The following TAFA4 variants were observed in gnomAD, a reference collection of about 807,000 sequenced individuals.
TAFA4 encodes TAFA chemokine like family member 4, also known as chemokine-like protein TAFA-4.
TAFA4 carries 20 observed loss-of-function variants against 21.1 expected under a neutral mutation model. The observed-to-expected ratio is 0.95, with a 90% CI of 0.67 to 1.38. The LOEUF (loss-of-function observed/expected upper bound fraction) is 1.38, where lower values mean the gene tolerates loss of function less well. Ranked by LOEUF, TAFA4 falls within the 40% of genes most tolerant of loss-of-function variation. The probability of loss-of-function intolerance (pLI) is 0.00; values close to 1 mark genes in which losing one functional copy is unlikely to be tolerated. For missense variants in TAFA4, 211 were observed against 180.9 expected (o/e 1.17, Z -0.95); for synonymous variants, 71 against 67.4 (o/e 1.05, Z -0.26).
intron 2 of TAFA4, among the ~76,000 whole-genome samples, chr3:68,883,530 C>G (rs2089639964): frequency 6.6e-6 from 1 of 152,122 alleles, no homozygotes; most frequent in Non-Finnish European, 1.5e-5. Context: ...CTCATCAAAA[C>G]CACAATGCCA....
At chr3:68,787,844 G>T (rs1482299674) in intron 3 of TAFA4, among the ~76,000 whole-genome samples, 1 of 152,218 alleles carries the variant, frequency 6.6e-6, no homozygotes, top group Non-Finnish European at 1.5e-5. Flanking sequence ...TTCTAGACGA[G>T]CACTCAAAAC....
intron 3 of TAFA4, among the ~76,000 whole-genome samples, chr3:68,816,705 G>A (rs912713116): frequency 1.3e-5 from 2 of 152,112 alleles, no homozygotes; most frequent in Admixed American, 1.3e-4. Flanking sequence ...GTATCTCTGA[G>A]ATATTGCAAG....
At chr3:68,847,486 C>T (rs2106904079) in intron 3 of TAFA4, among the ~76,000 whole-genome samples, 1 of 152,342 alleles carries the variant, frequency 6.6e-6, no homozygotes, top group East Asian at 1.9e-4. Context: ...AACTAGACCA[C>T]TTAGCCCCCT....
intron 1 of TAFA4, among the ~76,000 whole-genome samples, chr3:68,897,359 G>C (rs1192079791): frequency 6.6e-6 from 1 of 151,632 alleles, no homozygotes; most frequent in Non-Finnish European, 1.5e-5. Flanking sequence ...AGGTACGGGG[G>C]CTCATGCCTG....
chr3:68,845,367 T>C (rs1704761393), intron 3 of TAFA4, among the ~76,000 whole-genome samples: 1 of 152,178 alleles, frequency 6.6e-6, no homozygotes, highest in African/African-American at 2.4e-5. Flanking sequence ...ACTTGGTAAG[T>C]ATTCTTCCAT....
intron 3 of TAFA4, among the ~76,000 whole-genome samples, chr3:68,826,293 G>A (rs1189329506): frequency 2.0e-5 from 3 of 152,158 alleles, no homozygotes; most frequent in Non-Finnish European, 2.9e-5. Flanking sequence ...TTTACTCAGG[G>A]CCGGCCATGG....
intron 3 of TAFA4, among the ~76,000 whole-genome samples, chr3:68,846,460 A>G (rs1449758431): frequency 6.6e-6 from 1 of 152,028 alleles, no homozygotes; most frequent in Non-Finnish European, 1.5e-5. Context: ...TTGTGTTAGA[A>G]CATGCTCCTT....
chr3:68,924,195 T>C (rs1039003439), intron 1 of TAFA4, among the ~76,000 whole-genome samples: 1 of 152,160 alleles, frequency 6.6e-6, no homozygotes, highest in Non-Finnish European at 1.5e-5. Context: ...CCTATGTTCA[T>C]AGCAGCATGA....
At chr3:68,779,282 T>C (rs568043326) in intron 3 of TAFA4, among the ~76,000 whole-genome samples, 1 of 152,278 alleles carries the variant, frequency 6.6e-6, no homozygotes, top group Non-Finnish European at 1.5e-5. Context: ...TTGGAAAACT[T>C]GTAGCCTGAA....
intron 3 of TAFA4, among the ~76,000 whole-genome samples, chr3:68,829,829 G>C (rs1434250086): frequency 1.3e-5 from 2 of 152,068 alleles, no homozygotes; most frequent in Non-Finnish European, 2.9e-5. Context: ...GACTTTTTTT[G>C]GTTGGTAGGG....
chr3:68,844,673 C>G (rs1704744409), intron 3 of TAFA4, among the ~76,000 whole-genome samples: 1 of 152,192 alleles, frequency 6.6e-6, no homozygotes, highest in African/African-American at 2.4e-5. Context: ...AAATTTCCCT[C>G]TGAACATCGC....
intron 3 of TAFA4, among the ~76,000 whole-genome samples, chr3:68,849,531 G>A (rs1704892399): frequency 6.6e-6 from 1 of 152,158 alleles, no homozygotes. Context: ...CATTCCAGCT[G>A]TCCTTGACAA....
At chr3:68,785,090 G>C (rs1181541623) in intron 3 of TAFA4, among the ~76,000 whole-genome samples, 2 of 151,798 alleles carry the variant, frequency 1.3e-5, no homozygotes, top group African/African-American at 2.4e-5. Context: ...ACAAAGTGTC[G>C]ATTGGTGCAT....
intron 1 of TAFA4, among the ~76,000 whole-genome samples, chr3:68,917,863 C>G (rs925937966): frequency 4.0e-5 from 6 of 151,812 alleles, no homozygotes; most frequent in Non-Finnish European, 5.9e-5. Context: ...AGTTTTCACT[C>G]TGACACCCAG....
At chr3:68,930,569 G>A (rs978460960) in intron 1 of TAFA4, among the ~76,000 whole-genome samples, 10 of 152,272 alleles carry the variant, frequency 6.6e-5, no homozygotes, top group Non-Finnish European at 1.3e-4. Context: ...CTTGAAATAC[G>A]GCTTTCTGCT....
At chr3:68,780,500 T>C (rs952510406) in intron 3 of TAFA4, among the ~76,000 whole-genome samples, 2 of 152,200 alleles carry the variant, frequency 1.3e-5, no homozygotes, top group Non-Finnish European at 1.5e-5. Context: ...GTTCTTGTGA[T>C]AGTGAATAAG....
intron 4 of TAFA4, among the ~76,000 whole-genome samples, chr3:68,742,215 C>T (rs971349683): frequency 8.8e-6 from 1 of 114,052 alleles, no homozygotes; most frequent in African/African-American, 3.1e-5. Context: ...GAATGTACTT[C>T]AACATTATAA....
chr3:68,862,855 T>TCACACATACA (rs1553648653), intron 3 of TAFA4, among the ~76,000 whole-genome samples: 1 of 148,468 alleles, frequency 6.7e-6, no homozygotes, highest in Non-Finnish European at 1.5e-5. Flanking sequence ...AAAAGAATTT[T>TCACACATACA]CACACACACA....
At chr3:68,923,514 GC>G (rs1167595516) in intron 1 of TAFA4, among the ~76,000 whole-genome samples, 1 of 152,108 alleles carries the variant, frequency 6.6e-6, no homozygotes, top group Non-Finnish European at 1.5e-5. Context: ...CCAACGAGAA[GC>G]AAAAATTGTC....
Sources: allele counts gnomAD v4.1 joint callset (sites outside exome capture counted in the v4.1 genomes callset), GRCh38; gene constraint gnomAD v4.1.1; transcripts MANE v1.5; gene names NCBI Gene and HGNC (gene_info 2026-07-23, HGNC 2026-07-21).